Variants in ATP10B observed in about 807,000 individuals in gnomAD.
The protein encoded by ATP10B is phospholipid-transporting ATPase VB.
Under a neutral mutation model 141.2 loss-of-function variants are expected in ATP10B, and 122 were observed. The ratio of observed to expected loss-of-function variants is 0.86; its 90% CI spans 0.75 to 1.00. The LOEUF is 1.00. ATP10B is among the 50% of genes least tolerant of loss of function. ATP10B has a pLI of 0.00. For missense variants in ATP10B, 1,876 were observed against 1,825.3 expected (o/e 1.03, Z -0.51); for synonymous variants, 685 against 692.0 (o/e 0.99, Z 0.16).
Position 160,785,657 on chromosome 5 carries a change from T to C in ATP10B, c.-429A>G. 7.8e-7 allele frequency: 1 copy of C among 1,286,276 alleles called. No homozygotes were observed. Among genetic ancestry groups the C allele is most frequent in the Non-Finnish European group, 1.0e-6 (1 of 986,152 alleles). The allele number at this position is 1,286,276 out of a possible 1,614,324, so 79.7% of individuals were successfully genotyped here. A position where few individuals can be genotyped will look rare whatever the true frequency, so the allele number is the denominator to read the frequency against. On this transcript the variant is annotated 5_prime_UTR_variant, in exon 2 of 26. Transcript: ENST00000327245. ...CATCTTTGTGTCCATGTGTAAGAAA[T>C]GGTAGTTTCTCATCTTGGCAGTGGA... is the stretch of plus-strand genomic sequence containing the variant.
At chr5:160,925,613 GTTA>G in the ATP10B span, among the ~76,000 whole-genome samples, 1 of 152,212 alleles carries the variant, frequency 6.6e-6, no homozygotes, top group Non-Finnish European at 1.5e-5. Context: ...TCATGCTTAT[GTTA>G]TTAATTCCTC....
chr5:160,912,414 CAAAAAAAAAAAA>C, the ATP10B span, among the ~76,000 whole-genome samples: 60 of 88,886 alleles, frequency 6.8e-4, no homozygotes, highest in Admixed American at 1.3e-3. Flanking sequence ...CTGTTTCTAC[CAAAAAAAAAAAA>C]AAAAAAAAAA....
intron 10 of ATP10B, among the ~76,000 whole-genome samples, chr5:160,638,327 T>C (rs1287565997): frequency 6.6e-6 from 1 of 152,158 alleles, no homozygotes; most frequent in South Asian, 2.1e-4. Context: ...CTGTGACCTT[T>C]TAATCATTAA....
In ATP10B at chr5:160,640,485, G is replaced by C. The variant is rs768452670; in HGVS notation, c.976C>G (p.Leu326Val). The C allele has an allele frequency of 7.4e-6, 12 of 1,613,962 alleles. 1 individual carries two copies. Among genetic ancestry groups the C allele is most frequent in the Middle Eastern group, 1.6e-4 (1 of 6,084 alleles). ...CCTACAGCTCCAATAAGGCACATGAGGATGAGGATCCCAATGCAGAAGAAG... is the reference window on the plus strand; with the variant it reads ...CCTACAGCTCCAATAAGGCACATGACGATGAGGATCCCAATGCAGAAGAAG... ...DIFFCIGILI[L>V]MCLIGAVGHS... is the part of the protein sequence containing the mutation. Residue 326 changes from leucine (L) to valine (V), a missense_variant, in exon 10 of 26, where the codon CTC becomes GTC. Leu to Val is a conservative substitution (Grantham distance 32). Coordinates refer to ENST00000327245, the MANE Select transcript of ATP10B (RefSeq NM_025153.3).
At chr5:160,810,444 G>T (rs545125337) in intron 1 of ATP10B, among the ~76,000 whole-genome samples, 39 of 152,140 alleles carry the variant, frequency 2.6e-4, no homozygotes, top group African/African-American at 8.9e-4. Context: ...TGGTTGGTAT[G>T]ATACCAATTA....
chr5:160,608,241 G>T (rs763784463), intron 18 of ATP10B, among the ~76,000 whole-genome samples: 3 of 152,060 alleles, frequency 2.0e-5, no homozygotes, highest in African/African-American at 4.8e-5. Flanking sequence ...CATCCATGTC[G>T]CTACAAAGGA....
chr5:160,569,151 G>A (rs1754724903), intron 25 of ATP10B, among the ~76,000 whole-genome samples: 1 of 152,044 alleles, frequency 6.6e-6, no homozygotes, highest in African/African-American at 2.4e-5. Context: ...TAAGATTCCT[G>A]GACTAATACA....
the ATP10B span, among the ~76,000 whole-genome samples, chr5:160,905,770 A>T: frequency 2.0e-5 from 3 of 152,184 alleles, no homozygotes; most frequent in African/African-American, 4.8e-5. Context: ...CACATTGCAG[A>T]TAGTCAATAA....
intron 6 of ATP10B, chr5:160,684,997 A>G: frequency 2.8e-6 from 2 of 703,370 alleles, no homozygotes; most frequent in Non-Finnish European, 5.2e-6. Context: ...AAAATTCAGA[A>G]CCGCAATGCC....
intron 1 of ATP10B, among the ~76,000 whole-genome samples, chr5:160,831,739 G>C (rs1169907056): frequency 6.6e-6 from 1 of 152,106 alleles, no homozygotes; most frequent in African/African-American, 2.4e-5. Flanking sequence ...CCAGGGAAGA[G>C]ATTGAAGAAA....
chr5:160,587,374 CA>C (rs1755978004), intron 24 of ATP10B, among the ~76,000 whole-genome samples: 1 of 152,070 alleles, frequency 6.6e-6, no homozygotes, highest in Non-Finnish European at 1.5e-5. Context: ...ATGATGCCTC[CA>C]GTTTTGTTCT....
chr5:160,718,864 A>G (rs1765811007), intron 2 of ATP10B, among the ~76,000 whole-genome samples: 1 of 152,152 alleles, frequency 6.6e-6, no homozygotes, highest in Non-Finnish European at 1.5e-5. Context: ...GGGACAAACC[A>G]AACCCTAGTA....
At chr5:160,848,695 C>G (rs1753590232) in intron 1 of ATP10B, among the ~76,000 whole-genome samples, 1 of 151,360 alleles carries the variant, frequency 6.6e-6, no homozygotes, top group Admixed American at 6.6e-5. Context: ...GCATCCAGCT[C>G]TCTTTGTTGA....
intron 23 of ATP10B, 114 bp from the exon 24 acceptor site, chr5:160,589,810 C>T (rs1307771084): frequency 4.0e-6 from 3 of 746,684 alleles, no homozygotes; most frequent in African/African-American, 1.7e-5. Context: ...AAGGAGGTAC[C>T]CAGCTGCCAT....
chr5:160,726,088 G>T (rs1766332199), intron 2 of ATP10B, among the ~76,000 whole-genome samples: 1 of 152,164 alleles, frequency 6.6e-6, no homozygotes, highest in African/African-American at 2.4e-5. Flanking sequence ...CATCAGGAAA[G>T]CCACTGAGAG....
chr5:160,600,700 A>G (rs1461339924), intron 21 of ATP10B, among the ~76,000 whole-genome samples: 2 of 152,110 alleles, frequency 1.3e-5, no homozygotes, highest in Admixed American at 6.5e-5. Context: ...GAATCTTTGT[A>G]CCTTGCAGGG....
intron 2 of ATP10B, among the ~76,000 whole-genome samples, chr5:160,766,782 A>G (rs1029576259): frequency 3.9e-5 from 6 of 152,260 alleles, no homozygotes; most frequent in Admixed American, 3.9e-4. Flanking sequence ...CTTAGAATAA[A>G]TAATCATCCC....
At chr5:160,700,634 C>G (rs1764615043) in intron 3 of ATP10B, among the ~76,000 whole-genome samples, 2 of 152,172 alleles carry the variant, frequency 1.3e-5, no homozygotes, top group Non-Finnish European at 2.9e-5. Context: ...GTGCTTTGGG[C>G]TGGACATTCT....
chr5:160,816,790 A>C (rs1188242544), intron 1 of ATP10B, among the ~76,000 whole-genome samples: 1 of 152,194 alleles, frequency 6.6e-6, no homozygotes, highest in African/African-American at 2.4e-5. Context: ...AGCACATCAA[A>C]AAGCTTATCC....
Sources: allele counts gnomAD v4.1 joint callset (sites outside exome capture counted in the v4.1 genomes callset), GRCh38; gene constraint gnomAD v4.1.1; transcripts MANE v1.5; gene names NCBI Gene and HGNC (gene_info 2026-07-23, HGNC 2026-07-21).